Variants in PCLO observed in about 807,000 individuals in gnomAD.
The protein encoded by PCLO is protein piccolo.
A neutral mutation model predicts 427.5 loss-of-function variants in PCLO; 82 were observed. That is an observed-to-expected ratio of 0.19 (90% CI 0.16 to 0.23). The LOEUF (loss-of-function observed/expected upper bound fraction) is 0.23. Ranked by LOEUF, PCLO falls within the 10% of genes least tolerant of loss-of-function variation. The pLI, the probability that PCLO is intolerant of heterozygous loss-of-function variation, is 1.00. For missense variants in PCLO, 6,239 were observed against 6,115.9 expected, an observed-to-expected ratio of 1.02 and a Z score of -0.67; for synonymous variants, 2,357 against 2,155.4, an observed-to-expected ratio of 1.09 and a Z score of -2.59.
chr7:82,955,237 C>T lies in PCLO; in HGVS notation c.5716G>A (p.Gly1906Ser), dbSNP rs202091944. The change falls in exon 5 of 25, where the codon GGT becomes AGT. Residue 1906 changes from glycine (G) to serine (S), a missense_variant. Gly to Ser is a moderately conservative substitution (Grantham distance 56, BLOSUM62 0). Transcript: ENST00000333891. ...TDEQSIMQKE[G>S]SQKALKSAEE... ...GCACTTTTTAACGCCTTTTGGCTAC[C>T]TTCTTTCTGCATAATAGATTGCTCA... 1.9e-6 allele frequency: 3 copies of T among 1,613,598 alleles called. No homozygotes were observed. Among genetic ancestry groups the T allele is most frequent in the Non-Finnish European group, 2.5e-6 (3 of 1,179,798 alleles).
Position 83,156,294 on chromosome 7 carries a change from G to A in PCLO, c.347C>T (p.Thr116Ile). 1.9e-6 allele frequency: 3 copies of A among 1,613,244 alleles called. No individual in the cohort carries two copies. Among genetic ancestry groups the A allele is most frequent in the Non-Finnish European group, 2.5e-6 (3 of 1,179,540 alleles). ...AQPGLSKSRT[T>I]DTFRSEQKLP... is the part of the protein sequence containing the mutation. Reference sequence around the variant, plus strand: ...TTTCTGCTCTGACCTGAAAGTGTCTGTAGTTCTACTTTTACTGAGACCAGG... The same window carrying A: ...TTTCTGCTCTGACCTGAAAGTGTCTATAGTTCTACTTTTACTGAGACCAGG... Residue 116 changes from threonine to isoleucine, a missense_variant, in exon 2 of 25, where the codon ACA (threonine) becomes ATA (isoleucine). By Grantham distance (89) the Thr-to-Ile change is moderately conservative. Around this residue, in one of 5 missense-constraint regions of PCLO, gnomAD observed 4,677 missense variants for 4,468.4 expected, o/e 1.05. Transcript: ENST00000333891.
chr7:82,863,647 T>C (rs1793020672), intron 10 of PCLO, among the ~76,000 whole-genome samples: 1 of 152,000 alleles, frequency 6.6e-6, no homozygotes. Flanking sequence ...AGAAAACAGT[T>C]TAACAGCAAT....
chr7:82,880,279 A>G (rs1174409421), intron 9 of PCLO: 1 of 265,128 alleles, frequency 3.8e-6, no homozygotes, highest in Non-Finnish European at 7.9e-6. Context: ...TATATGGCTC[A>G]TCACTGACCA....
chr7:83,109,982 G>A (rs1401479755), intron 3 of PCLO, among the ~76,000 whole-genome samples: 2 of 151,442 alleles, frequency 1.3e-5, no homozygotes, highest in Non-Finnish European at 2.9e-5. Context: ...CATTACATTG[G>A]GAGTTTAGCC....
At position 82,950,651 on chromosome 7, in the gene PCLO, G is replaced by A. The variant is rs758970673; in HGVS notation, c.9937C>T (p.Arg3313Trp). The change falls in exon 6 of 25, where the codon CGG (arginine) becomes TGG (tryptophan). Residue 3313 changes from arginine to tryptophan, a missense_variant. Transcript: ENST00000333891. ...LHQQLEEQKI[R>W]QIYQYNYDPS... Reference sequence around the variant, plus strand: ...TCATAGTTATACTGGTAGATCTGCCGAATCTTTTGCTCCTCCAGCTGCTGG... The same window carrying A: ...TCATAGTTATACTGGTAGATCTGCCAAATCTTTTGCTCCTCCAGCTGCTGG... 8 of 1,613,570 alleles carry A rather than the reference G, an allele frequency of 5.0e-6. No homozygotes were observed. Among genetic ancestry groups the A allele is most frequent in the South Asian group, 4.4e-5 (4 of 91,064 alleles).
chr7:82,806,925 A>G lies in PCLO; in HGVS notation c.14792-1096T>C, dbSNP rs560846703. 1.1e-4 allele frequency among the ~76,000 whole-genome samples: 16 copies of G among 149,672 alleles called. No homozygotes were observed. In the South Asian group the frequency reaches 3.2e-3, roughly 30 times the overall value. On this transcript the variant is annotated intron_variant, in intron 20 of 24. Transcript: ENST00000333891. ...TGTTTCTTACTGTCTTTGAGCTTAA[A>G]TAGTCTTTGACAATGAATTTAACTC... is the stretch of plus-strand genomic sequence containing the variant.
intron 3 of PCLO, among the ~76,000 whole-genome samples, chr7:83,078,145 TA>T (rs1437969264): frequency 6.6e-6 from 1 of 152,074 alleles, no homozygotes; most frequent in Admixed American, 6.6e-5. Context: ...TTCTCAAATA[TA>T]AACAGATAAA....
At chr7:82,975,762 T>C (rs1796002992) in intron 3 of PCLO, among the ~76,000 whole-genome samples, 1 of 151,912 alleles carries the variant, frequency 6.6e-6, no homozygotes, top group South Asian at 2.1e-4. Context: ...GGGAAGTGAT[T>C]GGATTATGGG....
chr7:82,919,962 T>A (rs1794558789), intron 6 of PCLO, among the ~76,000 whole-genome samples: 1 of 151,930 alleles, frequency 6.6e-6, no homozygotes. Flanking sequence ...TTTAAGCATG[T>A]GTGTGAGGGG....
In PCLO at chr7:83,011,563, T is replaced by A. The variant is rs191861225; in HGVS notation, c.3301-45076A>T. On this transcript the variant is annotated intron_variant, in intron 3 of 24. Transcript: ENST00000333891. ...AATAAATAGGATCAAGACAAATACA[T>A]CACAATGAAATGTAAATGTCTAATA... 7.3e-5 allele frequency among the ~76,000 whole-genome samples: 11 copies of A among 149,700 alleles called. No homozygotes were observed. The East Asian group carries it at 1.8e-3, about 24-fold the overall frequency.
chr7:82,955,768 T>C lies in PCLO; in HGVS notation c.5185A>G (p.Thr1729Ala), dbSNP rs1170123221. ...AGTGATGATACTGATGTAGGGGATG[T>C]ACCAGGAGTGAAGCTGGAAGCATGC... ...SLHASSFTPG[T>A]SPTSVSSLDE... The change falls in exon 5 of 25, where the codon ACA (threonine) becomes GCA (alanine). Residue 1729 changes from threonine (T) to alanine (A), a missense_variant. Coordinates refer to ENST00000333891, the MANE Select transcript of PCLO (RefSeq NM_033026.6). 1.2e-6 allele frequency: 2 copies of C among 1,614,000 alleles called. No homozygotes were observed. Among genetic ancestry groups the C allele is most frequent in the Non-Finnish European group, 1.7e-6 (2 of 1,179,876 alleles).
intron 7 of PCLO, among the ~76,000 whole-genome samples, chr7:82,909,363 C>T (rs1295501308): frequency 6.6e-6 from 1 of 151,866 alleles, no homozygotes; most frequent in Non-Finnish European, 1.5e-5. Context: ...TTCTATTTAA[C>T]CTCAGCCCAT....
intron 22 of PCLO, among the ~76,000 whole-genome samples, chr7:82,793,324 G>A (rs1375285779): frequency 6.6e-6 from 1 of 152,098 alleles, no homozygotes; most frequent in Non-Finnish European, 1.5e-5. Flanking sequence ...GTGTGTGGCC[G>A]ACGCTCAGGT....
rs1790583377 is a variant in PCLO, at chr7:83,096,971, A to AT, written c.3300+37278dup. Among the ~76,000 whole-genome samples the AT allele has an allele frequency of 7.4e-4, 40 of 54,270 alleles. 10 individuals are homozygous for AT. Among genetic ancestry groups the AT allele is most frequent in the African/African-American group, 3.3e-3 (39 of 11,778 alleles). 35.6% of individuals were successfully genotyped at this position (54,270 alleles called of 152,430 possible). ...TTATATAAATAATATAATATAATAT[A>AT]TTATATATTATATAAATAATATATA... On this transcript the variant is annotated intron_variant, in intron 3 of 24. Transcript: ENST00000333891.
At chr7:83,121,272 GT>G (rs1273675493) in intron 3 of PCLO, among the ~76,000 whole-genome samples, 1 of 152,080 alleles carries the variant, frequency 6.6e-6, no homozygotes, top group East Asian at 1.9e-4. Flanking sequence ...CCATTTGCTT[GT>G]TTGTTTGTTG....
At chr7:82,989,970 T>C (rs1261822532) in intron 3 of PCLO, among the ~76,000 whole-genome samples, 1 of 152,074 alleles carries the variant, frequency 6.6e-6, no homozygotes, top group Non-Finnish European at 1.5e-5. Flanking sequence ...AACTTAAGAG[T>C]AAAGAATTTC....
At chr7:82,873,041 G>A (rs1793275555) in intron 10 of PCLO, among the ~76,000 whole-genome samples, 1 of 152,114 alleles carries the variant, frequency 6.6e-6, no homozygotes, top group Admixed American at 6.6e-5. Context: ...AGGTTTGTGA[G>A]TTGAGGGGAG....
At position 82,868,531 on chromosome 7, in the gene PCLO, A is replaced by G. The variant is rs564754261; in HGVS notation, c.13654+10806T>C. 2.0e-5 allele frequency among the ~76,000 whole-genome samples: 3 copies of G among 152,330 alleles called. No individual in the cohort carries two copies. In the South Asian group the frequency reaches 6.2e-4, roughly 32 times the overall value. On this transcript the variant is annotated intron_variant, in intron 10 of 24. Coordinates refer to ENST00000333891, the MANE Select transcript of PCLO (RefSeq NM_033026.6). The stretch of plus-strand genomic sequence containing the variant: ...TTCACTCACCTACTCTGAAACAACT[A>G]AAAACTAAGAATATAAAAGTATGCA...
intron 20 of PCLO, among the ~76,000 whole-genome samples, chr7:82,818,746 G>A (rs932657068): frequency 6.6e-6 from 1 of 152,154 alleles, no homozygotes; most frequent in African/African-American, 2.4e-5. Flanking sequence ...GACTCTGATT[G>A]CTCACGCATA....
Sources: gnomAD v4.1 joint callset for allele counts (sites outside exome capture counted in the v4.1 genomes callset) on GRCh38, gnomAD v4.1.1 for gene constraint, gnomAD v4.1.1 regional missense constraint, MANE v1.5 for transcripts, NCBI Gene and HGNC (gene_info 2026-07-23, HGNC 2026-07-21) for gene names.